SGCD: variants seen among roughly 807,000 people sequenced by gnomAD.
The protein encoded by SGCD is delta-sarcoglycan.
In SGCD, 18 loss-of-function variants were observed where a neutral mutation model predicts 36.6. That is an observed-to-expected ratio of 0.49 (90% CI 0.34 to 0.73). SGCD has a LOEUF of 0.73. Among genes scored for constraint, SGCD ranks in the 30% least tolerant of loss-of-function variants. The probability of loss-of-function intolerance (pLI) is 0.01; values close to 1 mark genes in which losing one functional copy is unlikely to be tolerated. For missense variants in SGCD, 387 were observed against 346.7 expected (o/e 1.12, Z -0.92); for synonymous variants, 133 against 130.6 (o/e 1.02, Z -0.12).
chr5:156,494,646 C>A (rs1393323223), intron 3 of SGCD, among the ~76,000 whole-genome samples: 1 of 152,110 alleles, frequency 6.6e-6, no homozygotes, highest in African/African-American at 2.4e-5. Flanking sequence ...TTAACGTATT[C>A]CATTGGTGTC....
chr5:155,908,755 C>G (rs913474895), intron 1 of SGCD, among the ~76,000 whole-genome samples: 39 of 152,044 alleles, frequency 2.6e-4, no homozygotes, highest in African/African-American at 9.4e-4. Context: ...CACTTTGGTT[C>G]TCTTTCGGGC....
intron 1 of SGCD, among the ~76,000 whole-genome samples, chr5:155,911,508 G>A (rs1393397707): frequency 6.6e-6 from 1 of 151,954 alleles, no homozygotes; most frequent in Non-Finnish European, 1.5e-5. Flanking sequence ...ACCTGTTTGT[G>A]TTGTGTATCC....
chr5:155,827,170 G>A, the SGCD span, among the ~76,000 whole-genome samples: 1 of 152,110 alleles, frequency 6.6e-6, no homozygotes, highest in Admixed American at 6.5e-5. Flanking sequence ...CAGCTTTAGA[G>A]CCAGAAATAC....
the SGCD span, among the ~76,000 whole-genome samples, chr5:155,831,204 A>G: frequency 6.6e-6 from 1 of 152,152 alleles, no homozygotes; most frequent in South Asian, 2.1e-4. Flanking sequence ...ATGAACTGTT[A>G]CTTGTGCTCT....
intron 3 of SGCD, among the ~76,000 whole-genome samples, chr5:156,161,745 C>G (rs1282626733): frequency 1.3e-5 from 2 of 151,676 alleles, no homozygotes; most frequent in African/African-American, 2.4e-5. Context: ...CTCATCTTTC[C>G]TTCCTACTTC....
At chr5:156,646,809 C>T (rs535693649) in intron 6 of SGCD, among the ~76,000 whole-genome samples, 1 of 152,084 alleles carries the variant, frequency 6.6e-6, no homozygotes, top group Non-Finnish European at 1.5e-5. Context: ...CTGCAAATTT[C>T]GACTGGTGTT....
intron 6 of SGCD, among the ~76,000 whole-genome samples, chr5:156,610,160 C>G (rs895189797): frequency 3.9e-5 from 6 of 152,158 alleles, no homozygotes; most frequent in Non-Finnish European, 8.8e-5. Flanking sequence ...TGTTTTTTCC[C>G]CATCTTTGTA....
the SGCD span, among the ~76,000 whole-genome samples, chr5:155,862,422 G>C: frequency 1.2e-4 from 18 of 152,086 alleles, no homozygotes; most frequent in African/African-American, 4.1e-4. Context: ...TTGAACTAAG[G>C]CTCAAGAAAT....
intron 3 of SGCD, among the ~76,000 whole-genome samples, chr5:156,422,380 G>T (rs138122549): frequency 6.6e-6 from 1 of 151,712 alleles, no homozygotes; most frequent in Non-Finnish European, 1.5e-5. Flanking sequence ...TTTCTCACAC[G>T]TCAAAGAAAA....
chr5:156,485,802 G>T (rs926615081), intron 3 of SGCD, among the ~76,000 whole-genome samples: 2 of 152,142 alleles, frequency 1.3e-5, no homozygotes, highest in African/African-American at 4.8e-5. Context: ...AGTGATATTG[G>T]AGCTCTGAGG....
chr5:155,899,224 C>A (rs1420230616), intron 1 of SGCD, among the ~76,000 whole-genome samples: 2 of 152,144 alleles, frequency 1.3e-5, no homozygotes, highest in Admixed American at 6.6e-5. Context: ...CCCAAAAAAA[C>A]CACAAGTGGA....
intron 4 of SGCD, among the ~76,000 whole-genome samples, chr5:156,565,788 C>T (rs1759456310): frequency 6.6e-6 from 1 of 151,912 alleles, no homozygotes; most frequent in East Asian, 1.9e-4. Context: ...TGAGTGAGAA[C>T]ATGCAGTGTT....
rs1766368881 is a variant in SGCD, at chr5:156,278,217, T to C, written c.-43-51317T>C. ...TAGTGAGCAAGAAATAACATGATTG[T>C]AGGTAGGCTGTGACCTGATTCTGGA... On this transcript the variant is annotated intron_variant, in intron 3 of 9. Transcript: ENST00000517913. Among the ~76,000 whole-genome samples, 4 of 152,082 alleles carry C rather than the reference T, an allele frequency of 2.6e-5. No individual in the cohort carries two copies. The South Asian group carries it at 8.3e-4, about 32-fold the overall frequency.
chr5:156,497,898 T>A (rs1756267691), intron 3 of SGCD, among the ~76,000 whole-genome samples: 2 of 152,090 alleles, frequency 1.3e-5, no homozygotes, highest in Admixed American at 1.3e-4. Context: ...GATGTCACCG[T>A]TTATAATGCT....
intron 3 of SGCD, among the ~76,000 whole-genome samples, chr5:156,268,454 A>ATAAG (rs1476502269): frequency 1.3e-5 from 2 of 152,210 alleles, no homozygotes; most frequent in African/African-American, 4.8e-5. Flanking sequence ...CCAATAGTGT[A>ATAAG]TAAGTGTTCC....
intron 3 of SGCD, among the ~76,000 whole-genome samples, chr5:156,439,695 A>G (rs554133758): frequency 1.3e-5 from 2 of 152,322 alleles, no homozygotes; most frequent in Non-Finnish European, 2.9e-5. Flanking sequence ...ATGTTACACC[A>G]ATAAGAATGC....
chr5:155,862,040 C>T, the SGCD span, among the ~76,000 whole-genome samples: 1 of 152,006 alleles, frequency 6.6e-6, no homozygotes, highest in Non-Finnish European at 1.5e-5. Flanking sequence ...CTGTTCTTCT[C>T]AGTGAACCTT....
chr5:156,219,488 A>G (rs1203997484), intron 3 of SGCD, among the ~76,000 whole-genome samples: 1 of 151,940 alleles, frequency 6.6e-6, no homozygotes, highest in Non-Finnish European at 1.5e-5. Context: ...CTGAAAAAAT[A>G]AAGCATCTGA....
At chr5:155,774,713 T>A in the SGCD span, among the ~76,000 whole-genome samples, 1 of 152,108 alleles carries the variant, frequency 6.6e-6, no homozygotes, top group Non-Finnish European at 1.5e-5. Flanking sequence ...TGATAGGCAC[T>A]CTTGGGATGA....
Sources: gnomAD v4.1 joint callset for allele counts (sites outside exome capture counted in the v4.1 genomes callset) on GRCh38, gnomAD v4.1.1 for gene constraint, MANE v1.5 for transcripts, NCBI Gene and HGNC (gene_info 2026-07-23, HGNC 2026-07-21) for gene names.